Variants in TECPR2 observed in about 807,000 individuals in gnomAD.
TECPR2 encodes the protein tectonin beta-propeller repeat containing 2.
TECPR2 carries 65 observed loss-of-function variants against 138.1 expected under a neutral mutation model. The ratio of observed to expected loss-of-function variants is 0.47; its 90% confidence interval spans 0.39 to 0.58. The LOEUF is 0.58. Among genes scored for constraint, TECPR2 ranks in the 20% least tolerant of loss-of-function variants. The probability of loss-of-function intolerance (pLI) is 0.00; values close to 1 mark genes in which losing one functional copy is unlikely to be tolerated. For synonymous variants in TECPR2, 746 were observed against 749.8 expected (o/e 0.99, Z 0.08); for missense variants, 1,553 against 1,824.5 (o/e 0.85, Z 2.71).
chr14:102,366,645 C>T (rs1887354839), intron 1 of TECPR2, among the ~76,000 whole-genome samples: 4 of 152,290 alleles, frequency 2.6e-5, no homozygotes, highest in Admixed American at 2.0e-4. Context: ...TCATGCCCAG[C>T]CCAATTTTAA....
intron 5 of TECPR2, among the ~76,000 whole-genome samples, chr14:102,423,072 A>G (rs1201506995): frequency 6.6e-6 from 1 of 152,214 alleles, no homozygotes; most frequent in Admixed American, 6.5e-5. Context: ...TTTGCAGTCC[A>G]GGGGCAATAG....
At chr14:102,480,904 G>C (rs1262300855) in intron 17 of TECPR2, among the ~76,000 whole-genome samples, 1 of 139,058 alleles carries the variant, frequency 7.2e-6, no homozygotes, top group East Asian at 2.2e-4. Context: ...GAGTTCAGTG[G>C]GGTGATCTTG....
chr14:102,411,216 C>G (rs1173785222), intron 4 of TECPR2, among the ~76,000 whole-genome samples: 3 of 152,280 alleles, frequency 2.0e-5, no homozygotes, highest in Non-Finnish European at 2.9e-5. Flanking sequence ...TACCACCCCC[C>G]AAAAATTTTT....
At chr14:102,442,975 C>T (rs1402092373) in intron 11 of TECPR2, among the ~76,000 whole-genome samples, 1 of 152,244 alleles carries the variant, frequency 6.6e-6, no homozygotes, top group Non-Finnish European at 1.5e-5. Flanking sequence ...CCTGCCACTG[C>T]CTTGCAGTTT....
At chr14:102,412,476 TCAACATCATTG>T (rs1173929597) in intron 4 of TECPR2, among the ~76,000 whole-genome samples, 25 of 152,160 alleles carry the variant, frequency 1.6e-4, no homozygotes, top group South Asian at 4.1e-4. Context: ...TTCATTAACA[TCAACATCATTG>T]TAATCGGGAA....
intron 2 of TECPR2, among the ~76,000 whole-genome samples, chr14:102,380,922 C>T (rs188992388): frequency 6.6e-6 from 1 of 151,930 alleles, no homozygotes; most frequent in East Asian, 1.9e-4. Flanking sequence ...TCGTGATCTG[C>T]CCGCCTCGGC....
At chr14:102,371,284 A>G (rs964423288) in intron 1 of TECPR2, among the ~76,000 whole-genome samples, 2 of 152,184 alleles carry the variant, frequency 1.3e-5, no homozygotes, top group Non-Finnish European at 2.9e-5. Context: ...CTTAGCAGAA[A>G]TGTTTGCTGT....
At chr14:102,426,313 A>T (rs568679578) in intron 6 of TECPR2, among the ~76,000 whole-genome samples, 4 of 152,314 alleles carry the variant, frequency 2.6e-5, no homozygotes, top group Non-Finnish European at 5.9e-5. Context: ...AACCAAGATG[A>T]TAACAGATTA....
chr14:102,436,298 C>CT (rs910999339), intron 9 of TECPR2, among the ~76,000 whole-genome samples: 2 of 150,164 alleles, frequency 1.3e-5, no homozygotes, highest in South Asian at 4.2e-4. Flanking sequence ...ATAAGTCTGG[C>CT]TTTTTTTTCT....
At position 102,499,196 on chromosome 14, in the gene TECPR2, C is replaced by G. The variant is rs759285897; in HGVS notation, c.*939C>G. On this transcript the variant is annotated 3_prime_UTR_variant, in exon 20 of 20. Coordinates refer to ENST00000359520, the MANE Select transcript of TECPR2 (RefSeq NM_014844.5). ...GGACGGCACAGGAGGGTGCATGGGG[C>G]GTGGGGGAGCTGAGCAAGGGTCGCT... 4.3e-6 allele frequency: 3 copies of G among 700,330 alleles called. No individual in the cohort carries two copies. Among genetic ancestry groups the G allele is most frequent in the Non-Finnish European group, 7.8e-6 (3 of 382,874 alleles). The allele number at this position is 700,330 out of a possible 1,614,324, so 43.4% of individuals were successfully genotyped here.
At chr14:102,461,754 C>T (rs982887601) in intron 16 of TECPR2, among the ~76,000 whole-genome samples, 5 of 152,312 alleles carry the variant, frequency 3.3e-5, no homozygotes, top group East Asian at 1.9e-4. Flanking sequence ...TCCACCATCT[C>T]GGTTCCTTCT....
intron 16 of TECPR2, among the ~76,000 whole-genome samples, chr14:102,456,933 T>C (rs2139761372): frequency 6.6e-6 from 1 of 151,608 alleles, no homozygotes; most frequent in African/African-American, 2.4e-5. Context: ...TGAAGCTGAG[T>C]TTCTCCCCTA....
intron 13 of TECPR2, among the ~76,000 whole-genome samples, chr14:102,446,943 T>C (rs1335054726): frequency 6.6e-6 from 1 of 152,144 alleles, no homozygotes; most frequent in Non-Finnish European, 1.5e-5. Context: ...GCCCAGATAA[T>C]AGGTTTGAAA....
At chr14:102,494,503 A>G (rs1463310628) in intron 17 of TECPR2, among the ~76,000 whole-genome samples, 1 of 151,972 alleles carries the variant, frequency 6.6e-6, no homozygotes, top group Non-Finnish European at 1.5e-5. Context: ...AGATCACGCC[A>G]CTGCACTCCA....
At chr14:102,380,518 G>A (rs909014877) in intron 2 of TECPR2, among the ~76,000 whole-genome samples, 7 of 151,752 alleles carry the variant, frequency 4.6e-5, no homozygotes, top group African/African-American at 7.3e-5. Context: ...AAGAACAGGA[G>A]GGGGGAAACC....
chr14:102,394,930 C>T (rs1384362065), intron 2 of TECPR2, among the ~76,000 whole-genome samples: 1 of 152,158 alleles, frequency 6.6e-6, no homozygotes, highest in Non-Finnish European at 1.5e-5. Context: ...CCAGCGGCTT[C>T]CTGACTTGCC....
chr14:102,403,962 A>G (rs2139689078), intron 2 of TECPR2, among the ~76,000 whole-genome samples: 1 of 152,260 alleles, frequency 6.6e-6, no homozygotes, highest in East Asian at 1.9e-4. Flanking sequence ...CAGTGGCACA[A>G]TCACAGCTCA....
At chr14:102,436,318 C>CTTTTTTT (rs558287413) in intron 9 of TECPR2, among the ~76,000 whole-genome samples, 1 of 135,504 alleles carries the variant, frequency 7.4e-6, no homozygotes, top group African/African-American at 2.7e-5. Flanking sequence ...TTCTTTCTTT[C>CTTTTTTT]TTTTTTTTTT....
chr14:102,398,963 C>T (rs929558099), intron 2 of TECPR2, among the ~76,000 whole-genome samples: 28 of 151,934 alleles, frequency 1.8e-4, no homozygotes, highest in Admixed American at 5.2e-4. Flanking sequence ...GCAGATTTCT[C>T]ATCAAAAACT....
Sources: gnomAD v4.1 joint callset for allele counts (sites outside exome capture counted in the v4.1 genomes callset) on GRCh38, gnomAD v4.1.1 for gene constraint, MANE v1.5 for transcripts, NCBI Gene and HGNC (gene_info 2026-07-23, HGNC 2026-07-21) for gene names.